Variants in PPFIA2 observed in about 807,000 individuals in gnomAD.
The protein encoded by PPFIA2 is liprin-alpha-2.
Under a neutral mutation model 175.5 loss-of-function variants are expected in PPFIA2, and 46 were observed. The ratio of observed to expected loss-of-function variants is 0.26; its 90% CI spans 0.21 to 0.34. PPFIA2 has a LOEUF of 0.34. Ranked by LOEUF, PPFIA2 falls within the 10% of genes least tolerant of loss-of-function variation. PPFIA2 has a pLI of 1.00. For missense variants in PPFIA2, 1,179 were observed against 1,506.1 expected (o/e 0.78, Z 3.60); for synonymous variants, 568 against 511.4 (o/e 1.11, Z -1.49).
At chr12:81,277,053 A>T (rs1053154982) in intron 28 of PPFIA2, among the ~76,000 whole-genome samples, 1 of 152,198 alleles carries the variant, frequency 6.6e-6, no homozygotes, top group African/African-American at 2.4e-5. Flanking sequence ...GTATAAGCAG[A>T]ATGTATAATT....
intron 7 of PPFIA2, chr12:81,430,582 T>TCACTG (rs2047929354): frequency 6.6e-6 from 1 of 151,856 alleles, no homozygotes; most frequent in African/African-American, 2.4e-5. Flanking sequence ...TCTCACTACT[T>TCACTG]CTATCTCTAA....
chr12:81,584,904 ATATAT>A (rs1303634727), intron 4 of PPFIA2, among the ~76,000 whole-genome samples: 1 of 120,284 alleles, frequency 8.3e-6, no homozygotes, highest in African/African-American at 3.2e-5. Flanking sequence ...TTTATATATA[ATATAT>A]TATATATTAA....
At chr12:81,725,856 C>G (rs1468172273) in intron 3 of PPFIA2, among the ~76,000 whole-genome samples, 1 of 150,812 alleles carries the variant, frequency 6.6e-6, no homozygotes, top group Non-Finnish European at 1.5e-5. Context: ...CTTAAGAGGA[C>G]CTAGAGTGCT....
intron 4 of PPFIA2, among the ~76,000 whole-genome samples, chr12:81,464,191 G>T (rs2055159926): frequency 6.6e-6 from 1 of 151,996 alleles, no homozygotes. Context: ...CCAAAACACT[G>T]GGATTACAGG....
intron 4 of PPFIA2, among the ~76,000 whole-genome samples, chr12:81,628,968 G>C (rs1810131599): frequency 6.6e-6 from 1 of 152,082 alleles, no homozygotes; most frequent in East Asian, 1.9e-4. Flanking sequence ...ATACAATGGA[G>C]GAAAAGGACC....
At chr12:81,756,211 T>C (rs2084631122) in intron 2 of PPFIA2, among the ~76,000 whole-genome samples, 1 of 152,138 alleles carries the variant, frequency 6.6e-6, no homozygotes. Flanking sequence ...CATAGCATCA[T>C]GACAATTTGT....
At chr12:81,681,883 G>A (rs1005525249) in intron 3 of PPFIA2, among the ~76,000 whole-genome samples, 1 of 151,976 alleles carries the variant, frequency 6.6e-6, no homozygotes, top group African/African-American at 2.4e-5. Flanking sequence ...TAAAGAGTTA[G>A]TTGACTCTCG....
At position 81,268,077 on chromosome 12, in the gene PPFIA2, C is replaced by T. The variant is rs757235817; in HGVS notation, c.3321G>A (p.Val1107=). The change falls in exon 29 of 33, where the codon GTG becomes GTA. Residue 1107 remains valine, a synonymous_variant. Coordinates refer to ENST00000549396, the MANE Select transcript of PPFIA2 (RefSeq NM_003625.5). The part of the protein sequence containing the change: ...ASQHEIKDVL[V]WSNDRVIRWI... ...AGCGAATAACTCGGTCATTGCTCCA[C>T]ACCAACACGTCTAGGAAAAGAGATG... 3.1e-6 allele frequency: 5 copies of T among 1,591,088 alleles called. No individual in the cohort carries two copies. The highest frequency in any genetic ancestry group is 2.3e-5 in the South Asian group (2 of 87,726).
intron 4 of PPFIA2, among the ~76,000 whole-genome samples, chr12:81,634,966 TA>T (rs967581682): frequency 6.6e-6 from 1 of 151,134 alleles, no homozygotes; most frequent in Non-Finnish European, 1.5e-5. Context: ...TAATAGGTAC[TA>T]GGAGACATTA....
At chr12:81,578,076 A>G (rs145546494) in intron 4 of PPFIA2, among the ~76,000 whole-genome samples, 1 of 151,746 alleles carries the variant, frequency 6.6e-6, no homozygotes, top group African/African-American at 2.4e-5. Context: ...AGTGCTGGCT[A>G]TGGGCTGGAG....
At position 81,695,062 on chromosome 12, in the gene PPFIA2, G is replaced by GT. The variant is rs147184788; in HGVS notation, c.250-18219dup. Among the ~76,000 whole-genome samples, 1,114 of 152,124 alleles carry GT rather than the reference G, an allele frequency of 7.3e-3. 20 individuals carry two copies. Among genetic ancestry groups the GT allele is most frequent in the African/African-American group, 0.025 (1,058 of 41,496 alleles). ...ATTGAATCTTGGAAATAACTAATTT[G>GT]TTTTTTATTTTTCAGGCTCATAGGT... On this transcript the variant is annotated intron_variant, in intron 3 of 32. Transcript: ENST00000549396.
At chr12:81,652,562 G>A (rs1189729271) in intron 4 of PPFIA2, among the ~76,000 whole-genome samples, 6 of 151,860 alleles carry the variant, frequency 4.0e-5, no homozygotes, top group Non-Finnish European at 1.5e-5. Context: ...AATTACTGTG[G>A]GGCAATAGAA....
chr12:81,698,481 TA>T (rs1300966540), intron 3 of PPFIA2, among the ~76,000 whole-genome samples: 1 of 152,054 alleles, frequency 6.6e-6, no homozygotes, highest in East Asian at 1.9e-4. Flanking sequence ...TCCAGAACTG[TA>T]AAAAATAAAT....
chr12:81,718,225 T>C (rs1424938039), intron 3 of PPFIA2, among the ~76,000 whole-genome samples: 1 of 151,654 alleles, frequency 6.6e-6, no homozygotes, highest in Non-Finnish European at 1.5e-5. Flanking sequence ...GGTAGAGGGA[T>C]TGATTACTCT....
At chr12:81,598,105 TC>T (rs1379174517) in intron 4 of PPFIA2, 1 of 1,530,228 alleles carries the variant, frequency 6.5e-7, no homozygotes, top group Non-Finnish European at 8.7e-7. Flanking sequence ...TACAGATAAA[TC>T]CGTGCATGCA....
At chr12:81,369,329 A>C in intron 11 of PPFIA2, 135 bp from the exon 12 acceptor site, 1 of 1,505,218 alleles carries the variant, frequency 6.6e-7, no homozygotes, top group Non-Finnish European at 8.9e-7. Context: ...ACTTTCTTCA[A>C]ACAGGCAGCT....
chr12:81,553,377 A>G (rs1006053512), intron 4 of PPFIA2, among the ~76,000 whole-genome samples: 2 of 152,062 alleles, frequency 1.3e-5, no homozygotes, highest in African/African-American at 4.8e-5. Flanking sequence ...AAAATATCCT[A>G]TCTTTGCATA....
chr12:81,369,344 A>G (rs1320216244), intron 11 of PPFIA2, 150 bp from the exon 12 acceptor site: 4 of 1,490,334 alleles, frequency 2.7e-6, no homozygotes, highest in Non-Finnish European at 3.6e-6. Flanking sequence ...GCAGCTGAAC[A>G]GCATTGCTTG....
chr12:81,422,189 T>A (rs1192650239), intron 7 of PPFIA2, among the ~76,000 whole-genome samples: 1 of 150,338 alleles, frequency 6.7e-6, no homozygotes, highest in Non-Finnish European at 1.5e-5. Flanking sequence ...TTTCATGAGA[T>A]CTCAGATGAA....
Sources: allele counts gnomAD v4.1 joint callset (sites outside exome capture counted in the v4.1 genomes callset), GRCh38; gene constraint gnomAD v4.1.1; transcripts MANE v1.5; gene names NCBI Gene and HGNC (gene_info 2026-07-23, HGNC 2026-07-21).